WDR1: variants seen among roughly 807,000 people sequenced by gnomAD.
WDR1 encodes the protein WD repeat-containing protein 1.
A neutral mutation model predicts 71.9 loss-of-function variants in WDR1; 21 were observed. The ratio of observed to expected loss-of-function variants is 0.29; its 90% CI spans 0.21 to 0.42. The LOEUF (loss-of-function observed/expected upper bound fraction) is 0.42. WDR1 is among the 10% of genes least tolerant of loss of function. WDR1 has a pLI of 1.00. For synonymous variants in WDR1, 424 were observed against 347.4 expected (o/e 1.22, Z -2.45); for missense variants, 696 against 824.5 (o/e 0.84, Z 1.91).
chr4:10,084,406 AGC>A, intron 9 of WDR1, 35 bp downstream of exon 9: 1 of 1,587,406 alleles, frequency 6.3e-7, no homozygotes, highest in Non-Finnish European at 8.6e-7. Flanking sequence ...CCCTAGAGCC[AGC>A]GGCTCCGGAG....
chr4:10,115,960 G>C (rs1713692266), intron 2 of WDR1, 153 bp downstream of exon 2: 2 of 1,033,790 alleles, frequency 1.9e-6, no homozygotes, highest in East Asian at 2.7e-5. Flanking sequence ...GCCGGCTTCC[G>C]GGGCTCCGAG....
chr4:10,086,919 G>A (rs1711611143), intron 8 of WDR1, among the ~76,000 whole-genome samples: 3 of 152,172 alleles, frequency 2.0e-5, no homozygotes. Flanking sequence ...AGGAGGACCT[G>A]AGGATACAGA....
intron 5 of WDR1, among the ~76,000 whole-genome samples, chr4:10,095,234 T>G (rs912127426): frequency 3.3e-5 from 5 of 152,248 alleles, no homozygotes; most frequent in Admixed American, 2.6e-4. Flanking sequence ...TGCTGCAGAA[T>G]GAAAGATCTG....
intron 2 of WDR1, among the ~76,000 whole-genome samples, chr4:10,107,261 C>T (rs556262257): frequency 2.6e-5 from 4 of 152,304 alleles, no homozygotes; most frequent in South Asian, 2.1e-4. Flanking sequence ...GGGAGGCTGC[C>T]GTTCAGTCCT....
At chr4:10,105,334 G>A (rs1191966852) in intron 2 of WDR1, among the ~76,000 whole-genome samples, 2 of 152,040 alleles carry the variant, frequency 1.3e-5, no homozygotes, top group Non-Finnish European at 2.9e-5. Context: ...TGGTTTGGGG[G>A]AGAAAAAAAG....
chr4:10,110,176 A>C (rs1713266339), intron 2 of WDR1, among the ~76,000 whole-genome samples: 1 of 152,158 alleles, frequency 6.6e-6, no homozygotes, highest in Admixed American at 6.5e-5. Flanking sequence ...AAGGTGACCA[A>C]AGCTAAGGAC....
At chr4:10,093,203 A>G in intron 5 of WDR1, 1 of 1,250,592 alleles carries the variant, frequency 8.0e-7, no homozygotes, top group East Asian at 5.7e-5. Context: ...CTGGGAGCCC[A>G]CCCCATTCCC....
At chr4:10,100,123 T>C (rs945275472) in intron 3 of WDR1, among the ~76,000 whole-genome samples, 6 of 152,198 alleles carry the variant, frequency 3.9e-5, no homozygotes, top group African/African-American at 7.2e-5. Flanking sequence ...TTTAAGAGGA[T>C]TGTCAGGACA....
chr4:10,116,467 G>T (rs1262543583), intron 1 of WDR1, 184 bp downstream of exon 1: 38 of 750,974 alleles, frequency 5.1e-5, no homozygotes, highest in Admixed American at 9.4e-5. Context: ...CAACTTGGGG[G>T]CGCACCCCCC....
At chr4:10,101,458 A>G (rs1283735878) in intron 3 of WDR1, among the ~76,000 whole-genome samples, 1 of 152,176 alleles carries the variant, frequency 6.6e-6, no homozygotes, top group African/African-American at 2.4e-5. Flanking sequence ...GTTCCAATGT[A>G]AGCCTTAACA....
chr4:10,112,193 C>A (rs921292580), intron 2 of WDR1, among the ~76,000 whole-genome samples: 2 of 151,994 alleles, frequency 1.3e-5, no homozygotes, highest in Non-Finnish European at 2.9e-5. Flanking sequence ...TGGGGGTGAC[C>A]CTTCCCAGTC....
At position 10,116,723 on chromosome 4, in the gene WDR1, C is replaced by A; in HGVS notation, c.-57G>T. 1.5e-6 allele frequency: 2 copies of A among 1,309,984 alleles called. No individual in the cohort carries two copies. The highest frequency in any genetic ancestry group is 2.0e-5 in the South Asian group (1 of 49,708). The allele number at this position is 1,309,984 out of a possible 1,614,324, so 81.1% of individuals were successfully genotyped here. A position where few individuals can be genotyped will look rare whatever the true frequency, so the allele number is the denominator to read the frequency against. ...CGAGAGCCTCCGGGGCCGGCCCGCGCTGCGAATTACACCTCGCCGAGGCCG... is the reference window on the plus strand; with the variant it reads ...CGAGAGCCTCCGGGGCCGGCCCGCGATGCGAATTACACCTCGCCGAGGCCG... On this transcript the variant is annotated 5_prime_UTR_variant, in exon 1 of 15. Transcript: ENST00000499869.
intron 4 of WDR1, among the ~76,000 whole-genome samples, chr4:10,098,356 C>T (rs1712482213): frequency 6.6e-6 from 1 of 152,248 alleles, no homozygotes; most frequent in Non-Finnish European, 1.5e-5. Context: ...CATGGAAAAA[C>T]ACCTACTAGA....
At chr4:10,111,104 C>T (rs950433955) in intron 2 of WDR1, among the ~76,000 whole-genome samples, 1 of 147,532 alleles carries the variant, frequency 6.8e-6, no homozygotes, top group African/African-American at 2.4e-5. Flanking sequence ...ATCTCAGATA[C>T]AGAACTTCTC....
In WDR1 at chr4:10,088,357, C is replaced by T. The variant is rs1249526721; in HGVS notation, c.653G>A (p.Gly218Glu). 1 of 1,558,298 alleles carries T rather than the reference C, an allele frequency of 6.4e-7. No homozygotes were observed. The highest frequency in any genetic ancestry group is 8.7e-7 in the Non-Finnish European group (1 of 1,150,532). Residue 218 changes from glycine to glutamate, a missense_variant, in exon 7 of 15, where the codon GGG (glycine) becomes GAG (glutamate). Transcript: ENST00000499869. ...SADGQIYIYD[G>E]KTGEKVCALG... is the part of the protein sequence containing the mutation. ...CGCGCACACCTTCTCCCCAGTCTTC[C>T]CGTCATAGATGTATATCTTCCAAGA...
intron 2 of WDR1, among the ~76,000 whole-genome samples, chr4:10,108,681 G>C (rs1308073487): frequency 6.6e-6 from 1 of 152,214 alleles, no homozygotes; most frequent in East Asian, 1.9e-4. Context: ...CTACAACTAA[G>C]GCCAAGGCTG....
chr4:10,083,653 T>A (rs140941205), intron 9 of WDR1: 2 of 479,226 alleles, frequency 4.2e-6, no homozygotes, highest in Non-Finnish European at 8.3e-6. Flanking sequence ...CACAGCACGG[T>A]GCTCAGGGAG....
rs1269705514 is a variant in WDR1 at position 10,078,835 on chromosome 4, C to T, written c.1395+56G>A. The T allele has an allele frequency of 2.7e-6, 4 of 1,475,730 alleles. No individual in the cohort carries two copies. In the African/African-American group the frequency reaches 4.2e-5, roughly 15 times the overall value. 91.4% of individuals were successfully genotyped at this position (1,475,730 alleles called of 1,614,324 possible). A position where few individuals can be genotyped will look rare whatever the true frequency, so the allele number is the denominator to read the frequency against. On this transcript the variant is annotated intron_variant, in intron 12 of 14. Coordinates refer to ENST00000499869, the MANE Select transcript of WDR1 (RefSeq NM_017491.5). ...CGGTACTCACACAGCTCACACTGTC[C>T]CCAAATCACCCAGATACCAAGGACA... is the stretch of plus-strand genomic sequence containing the variant.
chr4:10,114,844 G>A (rs1713612318), intron 2 of WDR1, among the ~76,000 whole-genome samples: 1 of 152,186 alleles, frequency 6.6e-6, no homozygotes, highest in Admixed American at 6.5e-5. Context: ...GAGGGGCCCA[G>A]CAATCCAGGG....
Sources: gnomAD v4.1 joint callset for allele counts (sites outside exome capture counted in the v4.1 genomes callset) on GRCh38, gnomAD v4.1.1 for gene constraint, MANE v1.5 for transcripts, NCBI Gene and HGNC (gene_info 2026-07-23, HGNC 2026-07-21) for gene names.